The following CA8 variants were observed in gnomAD, a reference collection of about 807,000 sequenced individuals.
The protein encoded by CA8 is carbonic anhydrase-related protein.
Under a neutral mutation model 41.4 loss-of-function variants are expected in CA8, and 22 were observed. The ratio of observed to expected loss-of-function variants is 0.53; its 90% CI spans 0.38 to 0.76. The LOEUF (loss-of-function observed/expected upper bound fraction) is 0.76, where lower values mean the gene tolerates loss of function less well. CA8 is among the 30% of genes least tolerant of loss of function. CA8 has a pLI of 0.00. For synonymous variants in CA8, 121 were observed against 130.6 expected (o/e 0.93, Z 0.50); for missense variants, 270 against 352.8 (o/e 0.77, Z 1.88).
intron 3 of CA8, among the ~76,000 whole-genome samples, chr8:60,260,360 C>T (rs1045390679): frequency 4.6e-5 from 7 of 152,214 alleles, no homozygotes; most frequent in African/African-American, 1.7e-4. Flanking sequence ...GCCACTCTAA[C>T]TTCACAGCCT....
intron 3 of CA8, among the ~76,000 whole-genome samples, chr8:60,247,151 G>A (rs981337593): frequency 1.3e-5 from 2 of 152,122 alleles, no homozygotes; most frequent in African/African-American, 4.8e-5. Flanking sequence ...CCAAAGTGCT[G>A]GGATTACAGG....
chr8:60,260,387 G>T (rs959958950), intron 3 of CA8, among the ~76,000 whole-genome samples: 1 of 152,138 alleles, frequency 6.6e-6, no homozygotes, highest in Non-Finnish European at 1.5e-5. Context: ...CAGGGGCAGG[G>T]TGCCACAGCC....
intron 5 of CA8, among the ~76,000 whole-genome samples, chr8:60,225,526 C>CT (rs983604157): frequency 1.3e-5 from 2 of 152,118 alleles, no homozygotes; most frequent in African/African-American, 2.4e-5. Context: ...TTTTTATCAG[C>CT]TTTTTTTATC....
chr8:60,280,682 T>C (rs1250224827), intron 1 of CA8, among the ~76,000 whole-genome samples: 1 of 152,254 alleles, frequency 6.6e-6, no homozygotes, highest in East Asian at 1.9e-4. Context: ...GCTAACACTG[T>C]CTTCCTCAGG....
At chr8:60,260,733 C>G (rs1289488729) in intron 3 of CA8, among the ~76,000 whole-genome samples, 1 of 152,086 alleles carries the variant, frequency 6.6e-6, no homozygotes, top group Non-Finnish European at 1.5e-5. Flanking sequence ...ATCTATATTT[C>G]TTTAGTGATA....
At chr8:60,251,771 C>G (rs913537924) in intron 3 of CA8, among the ~76,000 whole-genome samples, 2 of 152,172 alleles carry the variant, frequency 1.3e-5, no homozygotes, top group Admixed American at 6.5e-5. Flanking sequence ...AAAATTTATT[C>G]AATAATGCAT....
chr8:60,275,982 G>T (rs190582215), intron 2 of CA8, among the ~76,000 whole-genome samples: 5 of 152,216 alleles, frequency 3.3e-5, no homozygotes, highest in African/African-American at 1.2e-4. Context: ...CCAGACTGCC[G>T]CTCCAGGCTA....
At chr8:60,190,936 C>T (rs986604578) in intron 8 of CA8, among the ~76,000 whole-genome samples, 1 of 66,938 alleles carries the variant, frequency 1.5e-5, no homozygotes, top group African/African-American at 5.9e-5. Context: ...CACACACACA[C>T]ACTATATATA....
At chr8:60,272,277 A>G (rs956565752) in intron 2 of CA8, among the ~76,000 whole-genome samples, 2 of 151,908 alleles carry the variant, frequency 1.3e-5, no homozygotes, top group African/African-American at 4.8e-5. Context: ...GTTTTGGTTG[A>G]GTCTTTTGTA....
At chr8:60,204,350 A>G (rs1184915260) in intron 8 of CA8, among the ~76,000 whole-genome samples, 1 of 152,230 alleles carries the variant, frequency 6.6e-6, no homozygotes, top group Non-Finnish European at 1.5e-5. Flanking sequence ...TCGACATACA[A>G]GTTGGCCCAT....
intron 8 of CA8, among the ~76,000 whole-genome samples, chr8:60,194,563 T>C (rs1806225555): frequency 6.6e-6 from 1 of 152,134 alleles, no homozygotes; most frequent in African/African-American, 2.4e-5. Flanking sequence ...CTCTTAATCA[T>C]CTCCAGAAGA....
At position 60,193,634 on chromosome 8, in the gene CA8, C is replaced by T. The variant is rs1228540674; in HGVS notation, c.*36-3649G>A. Among the ~76,000 whole-genome samples, 3 of 152,316 alleles carry T rather than the reference C, an allele frequency of 2.0e-5. 1 individual carries two copies. The East Asian group carries it at 5.8e-4, about 29-fold the overall frequency. On this transcript the variant is annotated intron_variant, in intron 8 of 8. Coordinates refer to ENST00000317995, the MANE Select transcript of CA8 (RefSeq NM_004056.6). The stretch of plus-strand genomic sequence containing the variant: ...AAGGTCATGCTCACTGCCTTAGCTT[C>T]CAGCGTTGCTTTTGAGAAGTCTGGT...
chr8:60,222,699 C>T lies in CA8; in HGVS notation c.688G>A (p.Gly230Ser). Residue 230 changes from glycine to serine, a missense_variant, in exon 7 of 9, where the codon GGT becomes AGT. By Grantham distance (56) the Gly-to-Ser change is moderately conservative. This residue lies in a region of CA8 where 141 missense variants were observed against 191.6 expected (regional missense o/e 0.74). Coordinates refer to ENST00000317995, the MANE Select transcript of CA8 (RefSeq NM_004056.6). ...TATCGGAATAATATCCAGGTGACAC[C>T]TTCACTGCAAGGTGGGATGGTGAGA... ...GSLTIPPCSE[G>S]VTWILFRYPL... 6.2e-7 allele frequency: 1 copy of T among 1,613,954 alleles called. No individual in the cohort carries two copies. Among genetic ancestry groups the T allele is most frequent in the African/African-American group, 1.3e-5 (1 of 75,046 alleles).
At chr8:60,280,969 A>T in intron 1 of CA8, 79 bp downstream of exon 1, 1 of 1,019,114 alleles carries the variant, frequency 9.8e-7, no homozygotes, top group Non-Finnish European at 1.5e-6. Context: ...GCGCAGCGGC[A>T]GCAGGACTCG....
At chr8:60,249,749 T>C (rs1808381682) in intron 3 of CA8, among the ~76,000 whole-genome samples, 1 of 152,312 alleles carries the variant, frequency 6.6e-6, no homozygotes, top group South Asian at 2.1e-4. Flanking sequence ...CTATGAATGA[T>C]CATAAAATGT....
intron 2 of CA8, among the ~76,000 whole-genome samples, chr8:60,274,251 C>T (rs1234392599): frequency 6.6e-6 from 1 of 152,034 alleles, no homozygotes; most frequent in Non-Finnish European, 1.5e-5. Context: ...TATCTGCCCT[C>T]CCTCCTCAAT....
chr8:60,216,039 C>T (rs1317533682), intron 7 of CA8, among the ~76,000 whole-genome samples: 1 of 152,174 alleles, frequency 6.6e-6, no homozygotes, highest in Non-Finnish European at 1.5e-5. Flanking sequence ...TCAATATAAT[C>T]AGCTATGTGG....
rs576856403 is a variant in CA8, at chr8:60,252,643, G to A, written c.417+13282C>T. Among the ~76,000 whole-genome samples, 16 of 152,112 alleles carry A rather than the reference G, an allele frequency of 1.1e-4. 2 individuals carry two copies. In the South Asian group the frequency reaches 2.3e-3, roughly 22 times the overall value. On this transcript the variant is annotated intron_variant, in intron 3 of 8. Coordinates refer to ENST00000317995, the MANE Select transcript of CA8 (RefSeq NM_004056.6). The stretch of plus-strand genomic sequence containing the variant: ...TATATTTATAACTTTTCAAGGAACC[G>A]CAACCCCAACTACTACAGGTTGAGC...
chr8:60,247,825 G>A (rs776212336), intron 3 of CA8, among the ~76,000 whole-genome samples: 13 of 152,152 alleles, frequency 8.5e-5, no homozygotes, highest in Non-Finnish European at 1.6e-4. Flanking sequence ...TTGAGGAATC[G>A]CCACACTGTA....
Sources: gnomAD v4.1 joint callset for allele counts (sites outside exome capture counted in the v4.1 genomes callset) on GRCh38, gnomAD v4.1.1 for gene constraint, gnomAD v4.1.1 regional missense constraint, MANE v1.5 for transcripts, NCBI Gene and HGNC (gene_info 2026-07-23, HGNC 2026-07-21) for gene names.